Variants in GRM8 observed in about 807,000 individuals in gnomAD.
GRM8 encodes glutamate metabotropic receptor 8, also known as metabotropic glutamate receptor 8.
A neutral mutation model predicts 87.2 loss-of-function variants in GRM8; 47 were observed. The ratio of observed to expected loss-of-function variants is 0.54; its 90% CI spans 0.43 to 0.69. The LOEUF is 0.69. Among genes scored for constraint, GRM8 ranks in the 30% least tolerant of loss-of-function variants. GRM8 has a pLI of 0.00. For missense variants in GRM8, 1,019 were observed against 1,139.2 expected, an observed-to-expected ratio of 0.89 and a Z score of 1.52; for synonymous variants, 396 against 404.5, an observed-to-expected ratio of 0.98 and a Z score of 0.25.
intron 8 of GRM8, among the ~76,000 whole-genome samples, chr7:126,592,939 T>C (rs1796826892): frequency 1.3e-5 from 2 of 151,932 alleles, no homozygotes; most frequent in African/African-American, 4.8e-5. Flanking sequence ...AATTCAGTAA[T>C]GTTACATTAC....
At chr7:126,793,786 A>C (rs1821636601) in intron 6 of GRM8, among the ~76,000 whole-genome samples, 1 of 152,240 alleles carries the variant, frequency 6.6e-6, no homozygotes, top group African/African-American at 2.4e-5. Flanking sequence ...CTTAGAAAAT[A>C]TATCCTAAGT....
intron 2 of GRM8, among the ~76,000 whole-genome samples, chr7:127,198,132 T>C (rs907767110): frequency 4.6e-5 from 7 of 152,248 alleles, no homozygotes; most frequent in African/African-American, 1.7e-4. Context: ...TGTGATATTT[T>C]GATACATGTA....
chr7:127,227,101 G>T (rs1294158827), intron 2 of GRM8, among the ~76,000 whole-genome samples: 1 of 152,238 alleles, frequency 6.6e-6, no homozygotes. Flanking sequence ...GGTTAAAGGA[G>T]CCTCGGAAAG....
At chr7:126,958,167 C>T (rs1330647294) in intron 3 of GRM8, among the ~76,000 whole-genome samples, 1 of 152,154 alleles carries the variant, frequency 6.6e-6, no homozygotes, top group African/African-American at 2.4e-5. Context: ...CTGCCTTGCT[C>T]ATCCTCCAGT....
intron 6 of GRM8, among the ~76,000 whole-genome samples, chr7:126,782,703 T>C (rs1820213169): frequency 6.6e-6 from 1 of 152,154 alleles, no homozygotes; most frequent in African/African-American, 2.4e-5. Context: ...TAAAGGCCCA[T>C]AAGTGCCTGA....
chr7:127,106,630 G>T lies in GRM8; in HGVS notation c.593C>A (p.Pro198His). The change falls in exon 3 of 11, where the codon CCT becomes CAT. Residue 198 changes from proline (P) to histidine (H), a missense_variant. Transcript: ENST00000339582. Reference protein sequence around the residue: ...RYDFFSRVVPPDSYQAQAMVD... With the variant: ...RYDFFSRVVPHDSYQAQAMVD... ...CATGGCTTGGGCTTGGTAGGAGTCA[G>T]GCGGAACCACTCGAGAGAAAAAGTC... 6.2e-7 allele frequency: 1 copy of T among 1,614,014 alleles called. No individual in the cohort carries two copies. Among genetic ancestry groups the T allele is most frequent in the Non-Finnish European group, 8.5e-7 (1 of 1,179,894 alleles).
In GRM8 at chr7:127,052,937, C is replaced by T. The variant is rs531374574; in HGVS notation, c.727+53559G>A. 4.1e-4 allele frequency among the ~76,000 whole-genome samples: 62 copies of T among 152,250 alleles called. No individual in the cohort carries two copies. In the South Asian group the frequency reaches 4.8e-3, roughly 12 times the overall value. On this transcript the variant is annotated intron_variant, in intron 3 of 10. Transcript: ENST00000339582. ...ATTGATGAACTATGCCTACAAAGGG[C>T]GACTGATTTTGACTAATTTATTATT...
At chr7:126,474,523 C>T (rs573388899) in intron 9 of GRM8, among the ~76,000 whole-genome samples, 1 of 152,242 alleles carries the variant, frequency 6.6e-6, no homozygotes, top group South Asian at 2.1e-4. Flanking sequence ...CCTGGGATCC[C>T]AAAGAGCTGG....
chr7:126,689,028 C>T (rs954777772), intron 7 of GRM8, among the ~76,000 whole-genome samples: 15 of 152,202 alleles, frequency 9.9e-5, no homozygotes, highest in Non-Finnish European at 1.5e-5. Context: ...AAACAGCTGA[C>T]AATTATACCT....
chr7:126,773,008 T>G (rs1819015577), intron 6 of GRM8, among the ~76,000 whole-genome samples: 1 of 152,002 alleles, frequency 6.6e-6, no homozygotes, highest in South Asian at 2.1e-4. Flanking sequence ...GTGTTCCTCC[T>G]GAGAGGGTGG....
At chr7:126,606,075 A>G in intron 8 of GRM8, among the ~76,000 whole-genome samples, 1 of 152,204 alleles carries the variant, frequency 6.6e-6, no homozygotes, top group East Asian at 1.9e-4. Flanking sequence ...ACATGGTAGC[A>G]CAGGAAAATA....
intron 3 of GRM8, among the ~76,000 whole-genome samples, chr7:127,069,060 GT>G (rs1821419952): frequency 6.6e-6 from 1 of 152,098 alleles, no homozygotes; most frequent in African/African-American, 2.4e-5. Context: ...TCAGATTGGG[GT>G]TTCTGTTATA....
At chr7:126,978,957 G>A (rs1811271377) in intron 3 of GRM8, among the ~76,000 whole-genome samples, 1 of 152,160 alleles carries the variant, frequency 6.6e-6, no homozygotes, top group Non-Finnish European at 1.5e-5. Context: ...CCGACTTTGG[G>A]AATTTGCACA....
At chr7:126,456,730 C>T (rs1174614015) in intron 9 of GRM8, among the ~76,000 whole-genome samples, 1 of 151,060 alleles carries the variant, frequency 6.6e-6, no homozygotes, top group Non-Finnish European at 1.5e-5. Context: ...TATCCCAATC[C>T]CAGATTATAT....
At chr7:126,467,267 A>G (rs1200851138) in intron 9 of GRM8, among the ~76,000 whole-genome samples, 1 of 149,796 alleles carries the variant, frequency 6.7e-6, no homozygotes, top group Non-Finnish European at 1.5e-5. Context: ...TTCCTGTGTT[A>G]GTTTATTTCG....
intron 8 of GRM8, among the ~76,000 whole-genome samples, chr7:126,605,772 T>C (rs1798282486): frequency 6.6e-6 from 1 of 152,158 alleles, no homozygotes; most frequent in African/African-American, 2.4e-5. Flanking sequence ...AATCCTCCTG[T>C]CAGTATCCTC....
intron 3 of GRM8, among the ~76,000 whole-genome samples, chr7:127,087,950 C>G (rs954433853): frequency 3.9e-5 from 6 of 152,076 alleles, no homozygotes; most frequent in African/African-American, 1.2e-4. Flanking sequence ...AACAAGGCTT[C>G]CATGCTTCCT....
At chr7:126,581,765 C>T (rs189739287) in intron 8 of GRM8, among the ~76,000 whole-genome samples, 2 of 152,118 alleles carry the variant, frequency 1.3e-5, no homozygotes, top group East Asian at 3.9e-4. Flanking sequence ...ATATTTCAAG[C>T]TTTTTCATTA....
chr7:126,757,958 G>A (rs1682990995), intron 7 of GRM8, among the ~76,000 whole-genome samples: 1 of 152,028 alleles, frequency 6.6e-6, no homozygotes, highest in African/African-American at 2.4e-5. Flanking sequence ...GGGTTCAGGA[G>A]GTGACTGCAA....
Sources: gnomAD v4.1 joint callset for allele counts (sites outside exome capture counted in the v4.1 genomes callset) on GRCh38, gnomAD v4.1.1 for gene constraint, MANE v1.5 for transcripts, NCBI Gene and HGNC (gene_info 2026-07-23, HGNC 2026-07-21) for gene names.